CLEC14A: variants seen among roughly 807,000 people sequenced by gnomAD.
CLEC14A encodes the protein C-type lectin domain containing 14A, also known as C-type lectin domain family 14 member A.
For missense variants in CLEC14A, 682 were observed against 659.9 expected (o/e 1.03, Z -0.37); for synonymous variants, 349 against 292.0 (o/e 1.20, Z -1.99).
chr14:38,254,861 T>C lies in CLEC14A; in HGVS notation c.1162A>G (p.Thr388Ala). The change falls in exon 1 of 1, where the codon ACT (threonine) becomes GCT (alanine). Residue 388 changes from threonine (T) to alanine (A), a missense_variant. Physicochemically the swap from Thr to Ala is moderately conservative, Grantham distance 58. Transcript: ENST00000342213. ...GAGGAGGAGTCGAAAGCCTGAGGAG[T>C]GGCAGAGGAAGTCGTAGAATTAAAC... ...SKFNSTTSSA[T>A]PQAFDSSSAV... The C allele has an allele frequency of 6.2e-7, 1 of 1,612,522 alleles. No homozygotes were observed. Among genetic ancestry groups the C allele is most frequent in the Non-Finnish European group, 8.5e-7 (1 of 1,179,242 alleles).
At position 38,256,049 on chromosome 14, in the gene CLEC14A, C is replaced by T; in HGVS notation, c.-27G>A. On this transcript the variant is annotated 5_prime_UTR_variant, in exon 1 of 1. Coordinates refer to ENST00000342213, the MANE Select transcript of CLEC14A (RefSeq NM_175060.3). The stretch of plus-strand genomic sequence containing the variant: ...CTCTGAGGCCCCGCACGCAGAGCTG[C>T]TCCCAACTTGGATCTGTCCCGCTCG... 2.0e-6 allele frequency: 3 copies of T among 1,493,644 alleles called. No homozygotes were observed. The highest frequency in any genetic ancestry group is 2.7e-6 in the Non-Finnish European group (3 of 1,122,558). 92.5% of individuals were successfully genotyped at this position (1,493,644 alleles called of 1,614,324 possible).
rs374048754 is a variant in CLEC14A, at chr14:38,255,099, G to A, written c.924C>T (p.Ala308=). The A allele has an allele frequency of 1.9e-4, 303 of 1,612,430 alleles. 4 individuals carry two copies. In the South Asian group the frequency reaches 2.9e-3, roughly 16 times the overall value. Reference sequence around the variant, plus strand: ...TCTGCGGCACGGGGCTGGTTGCAGTGGCCGGCGGGCGCCTGGTGGGCACCC... The same window carrying A: ...TCTGCGGCACGGGGCTGGTTGCAGTAGCCGGCGGGCGCCTGGTGGGCACCC... The part of the protein sequence containing the change: ...GTGVPTRRPP[A]TATSPVPQRT... The change falls in exon 1 of 1, where the codon GCC becomes GCT. Residue 308 remains alanine, a synonymous_variant. Transcript: ENST00000342213. The surrounding 1 kb of genome is among the most constrained non-coding windows in gnomAD (Gnocchi z 5.1).
In CLEC14A at chr14:38,255,155, C is replaced by T. The variant is rs763426275; in HGVS notation, c.868G>A (p.Gly290Arg). Reference protein sequence around the residue: ...GKDGRSCVTSGEGQPTLGGTG... With the variant: ...GKDGRSCVTSREGQPTLGGTG... ...CCCCCAAGGGTCGGCTGTCCTTCCC[C>T]ACTGGTCACACAAGAGCGGCCGTCC... Residue 290 changes from glycine to arginine, a missense_variant, in exon 1 of 1, where the codon GGG (glycine) becomes AGG (arginine). Physicochemically the swap from Gly to Arg is moderately radical, Grantham distance 125. Transcript: ENST00000342213. The surrounding 1 kb of genome is among the most constrained non-coding windows in gnomAD (Gnocchi z 5.1). 7 of 1,613,574 alleles carry T rather than the reference C, an allele frequency of 4.3e-6. No individual in the cohort carries two copies. The South Asian group carries it at 5.5e-5, about 13-fold the overall frequency.
rs1018256221 is a variant in CLEC14A at position 38,255,173 on chromosome 14, G to A, written c.850C>T (p.Arg284Cys). The change falls in exon 1 of 1, where the codon CGC becomes TGC. Residue 284 changes from arginine to cysteine, a missense_variant. Coordinates refer to ENST00000342213, the MANE Select transcript of CLEC14A (RefSeq NM_175060.3). The surrounding 1 kb of genome is among the most constrained non-coding windows in gnomAD (Gnocchi z 5.1). ...CCTTCCCCACTGGTCACACAAGAGC[G>A]GCCGTCCTTCCCCAGCTCGAAGCCC... is the stretch of plus-strand genomic sequence containing the variant. ...ATGFELGKDG[R>C]SCVTSGEGQP... 12 of 1,613,570 alleles carry A rather than the reference G, an allele frequency of 7.4e-6. No homozygotes were observed. The highest frequency in any genetic ancestry group is 3.3e-4 in the Middle Eastern group (2 of 6,084).
In CLEC14A at chr14:38,254,369, C is replaced by T; in HGVS notation, c.*181G>A. The T allele has an allele frequency of 1.9e-6, 1 of 538,108 alleles. No homozygotes were observed. The highest frequency in any genetic ancestry group is 3.7e-5 in the South Asian group (1 of 27,288). 33.3% of individuals were successfully genotyped at this position (538,108 alleles called of 1,614,324 possible). On this transcript the variant is annotated 3_prime_UTR_variant, in exon 1 of 1. Transcript: ENST00000342213. ...TATCACCATCCTAAAGGCACTTCCA[C>T]TTCCTCTATCATCAGGGAAGGAGTG...
chr14:38,255,911 AG>A lies in CLEC14A; in HGVS notation c.111del (p.Tyr38ThrfsTer8). 6.4e-7 allele frequency: 1 copy of A among 1,568,444 alleles called. No individual in the cohort carries two copies. The highest frequency in any genetic ancestry group is 8.6e-7 in the Non-Finnish European group (1 of 1,163,348). On this transcript the variant is annotated frameshift_variant, in exon 1 of 1. Coordinates refer to ENST00000342213, the MANE Select transcript of CLEC14A (RefSeq NM_175060.3). LOFTEE classifies it low-confidence loss of function (END_TRUNC). This position sits in a 1 kb window ranked among gnomAD's most constrained non-coding sequence, Gnocchi z 5.1. ...DRAGCSASGA[C>X]YSLHHATMKR... ...TTCATGGTAGCGTGGTGCAGGCTGT[AG>A]CAGGCCCCCGAGGCCGAGCAGCCAG...
rs1884052267 is a variant in CLEC14A, at chr14:38,256,043, G to A, written c.-21C>T. The A allele has an allele frequency of 1.3e-6, 2 of 1,498,612 alleles. No individual in the cohort carries two copies. Among genetic ancestry groups the A allele is most frequent in the African/African-American group, 1.4e-5 (1 of 69,296 alleles). The allele number at this position is 1,498,612 out of a possible 1,614,324, so 92.8% of individuals were successfully genotyped here. A position where few individuals can be genotyped will look rare whatever the true frequency, so the allele number is the denominator to read the frequency against. On this transcript the variant is annotated 5_prime_UTR_variant, in exon 1 of 1. Transcript: ENST00000342213. ...CTCATTCTCTGAGGCCCCGCACGCA[G>A]AGCTGCTCCCAACTTGGATCTGTCC...
At position 38,254,493 on chromosome 14, in the gene CLEC14A, C is replaced by T. The variant is rs1883998893; in HGVS notation, c.*57G>A. On this transcript the variant is annotated 3_prime_UTR_variant, in exon 1 of 1. Coordinates refer to ENST00000342213, the MANE Select transcript of CLEC14A (RefSeq NM_175060.3). ...TTACACAAGTAAGTTCCTCTTGGTT[C>T]CCCGTTTCATCAAAAGTGAAAAACT... 2.0e-6 allele frequency: 3 copies of T among 1,465,836 alleles called. No individual in the cohort carries two copies. The highest frequency in any genetic ancestry group is 2.7e-6 in the Non-Finnish European group (3 of 1,091,654). The allele number at this position is 1,465,836 out of a possible 1,614,324, so 90.8% of individuals were successfully genotyped here. A position where few individuals can be genotyped will look rare whatever the true frequency, so the allele number is the denominator to read the frequency against.
In CLEC14A at chr14:38,255,168, A is replaced by G. The variant is rs1302499687; in HGVS notation, c.855T>C (p.Ser285=). 10 of 1,613,634 alleles carry G rather than the reference A, an allele frequency of 6.2e-6. No individual in the cohort carries two copies. Among genetic ancestry groups the G allele is most frequent in the Admixed American group, 3.3e-5 (2 of 60,024 alleles). ...GCTGTCCTTCCCCACTGGTCACACA[A>G]GAGCGGCCGTCCTTCCCCAGCTCGA... ...TGFELGKDGR[S]CVTSGEGQPT... The change falls in exon 1 of 1, where the codon TCT becomes TCC. Residue 285 remains serine (S), a synonymous_variant. Coordinates refer to ENST00000342213, the MANE Select transcript of CLEC14A (RefSeq NM_175060.3). The surrounding 1 kb of genome is among the most constrained non-coding windows in gnomAD (Gnocchi z 5.1).
In CLEC14A at chr14:38,255,301, T is replaced by A. The variant is rs779870626; in HGVS notation, c.722A>T (p.Asp241Val). The change falls in exon 1 of 1, where the codon GAT (aspartate) becomes GTT (valine). Residue 241 changes from aspartate to valine, a missense_variant. Coordinates refer to ENST00000342213, the MANE Select transcript of CLEC14A (RefSeq NM_175060.3). This position sits in a 1 kb window ranked among gnomAD's most constrained non-coding sequence, Gnocchi z 5.1. Reference sequence around the variant, plus strand: ...CCTCCCGGGGCAGGGACACAACACATCGCCCGAGAGTTTGTCCCAGCGAGC... The same window carrying A: ...CCTCCCGGGGCAGGGACACAACACAACGCCCGAGAGTTTGTCCCAGCGAGC... ...IGARWDKLSG[D>V]VLCPCPGRYL... is the part of the protein sequence containing the mutation. The A allele has an allele frequency of 4.0e-5, 64 of 1,613,474 alleles. No homozygotes were observed. The highest frequency in any genetic ancestry group is 5.2e-5 in the Non-Finnish European group (61 of 1,180,014).
chr14:38,255,295 A>AAC lies in CLEC14A; in HGVS notation c.726_727dup (p.Leu243CysfsTer22), dbSNP rs1430451797. On this transcript the variant is annotated frameshift_variant, in exon 1 of 1. Transcript: ENST00000342213. LOFTEE classifies it low-confidence loss of function (END_TRUNC). The surrounding 1 kb of genome is among the most constrained non-coding windows in gnomAD (Gnocchi z 5.1). Reference sequence around the variant, plus strand: ...GAGGTACCTCCCGGGGCAGGGACACAACACATCGCCCGAGAGTTTGTCCCA... The same window carrying AAC: ...GAGGTACCTCCCGGGGCAGGGACACAACACACATCGCCCGAGAGTTTGTCCCA... 1.2e-6 allele frequency: 2 copies of AAC among 1,613,618 alleles called. No homozygotes were observed. Among genetic ancestry groups the AAC allele is most frequent in the Admixed American group, 3.3e-5 (2 of 60,008 alleles).
In CLEC14A at chr14:38,255,307, G is replaced by A. The variant is rs570149280; in HGVS notation, c.716C>T (p.Ser239Leu). 1.9e-6 allele frequency: 3 copies of A among 1,613,710 alleles called. No individual in the cohort carries two copies. The highest frequency in any genetic ancestry group is 2.7e-5 in the African/African-American group (2 of 75,060). Residue 239 changes from serine (S) to leucine (L), a missense_variant, in exon 1 of 1, where the codon TCG becomes TTG. Physicochemically the swap from Ser to Leu is moderately radical, Grantham distance 145. Transcript: ENST00000342213. This position sits in a 1 kb window ranked among gnomAD's most constrained non-coding sequence, Gnocchi z 5.1. ...DEIGARWDKL[S>L]GDVLCPCPGR... ...GGGGCAGGGACACAACACATCGCCC[G>A]AGAGTTTGTCCCAGCGAGCGCCGAT...
rs1047159662 is a variant in CLEC14A at position 38,254,859 on chromosome 14, A to T, written c.1164T>A (p.Thr388=). Residue 388 remains threonine, a synonymous_variant, in exon 1 of 1, where the codon ACT becomes ACA. Coordinates refer to ENST00000342213, the MANE Select transcript of CLEC14A (RefSeq NM_175060.3). ...CAGAGGAGGAGTCGAAAGCCTGAGG[A>T]GTGGCAGAGGAAGTCGTAGAATTAA... The part of the protein sequence containing the change: ...SKFNSTTSSA[T]PQAFDSSSAV... 6.2e-7 allele frequency: 1 copy of T among 1,613,846 alleles called. No individual in the cohort carries two copies. Among genetic ancestry groups the T allele is most frequent in the African/African-American group, 1.3e-5 (1 of 75,036 alleles).
chr14:38,255,643 G>C lies in CLEC14A; in HGVS notation c.380C>G (p.Thr127Arg), dbSNP rs888925775. ...TTGGGGCTCCTCCACCCACTGCAGC[G>C]TGTCGCTTTCGAGACCGCCGGGGTC... ...SSDPGGLESD[T>R]LQWVEEPQRS... The change falls in exon 1 of 1, where the codon ACG becomes AGG. Residue 127 changes from threonine (T) to arginine (R), a missense_variant. Thr to Arg is a moderately conservative substitution (Grantham distance 71). Coordinates refer to ENST00000342213, the MANE Select transcript of CLEC14A (RefSeq NM_175060.3). This position sits in a 1 kb window ranked among gnomAD's most constrained non-coding sequence, Gnocchi z 5.1. 14 of 1,607,784 alleles carry C rather than the reference G, an allele frequency of 8.7e-6. No individual in the cohort carries two copies. The highest frequency in any genetic ancestry group is 4.0e-5 in the African/African-American group (3 of 74,924).
chr14:38,254,608 C>T lies in CLEC14A; in HGVS notation c.1415G>A (p.Arg472Gln). ...CAGCAAGGCACCCTCTGCTCTGTCC[C>T]GCAGATCACAGTCCCCGACTTTCAC... ...NGVKVGDCDL[R>Q]DRAEGALLAE... Residue 472 changes from arginine (R) to glutamine (Q), a missense_variant, in exon 1 of 1, where the codon CGG (arginine) becomes CAG (glutamine). Physicochemically the swap from Arg to Gln is conservative, Grantham distance 43. Coordinates refer to ENST00000342213, the MANE Select transcript of CLEC14A (RefSeq NM_175060.3). The T allele has an allele frequency of 6.2e-7, 1 of 1,613,748 alleles. No individual in the cohort carries two copies. Among genetic ancestry groups the T allele is most frequent in the East Asian group, 2.2e-5 (1 of 44,864 alleles).
rs1883997684 is a variant in CLEC14A, at chr14:38,254,423, G to A, written c.*127C>T. 2 of 884,044 alleles carry A rather than the reference G, an allele frequency of 2.3e-6. No individual in the cohort carries two copies. The highest frequency in any genetic ancestry group is 3.4e-6 in the Non-Finnish European group (2 of 585,712). 54.8% of individuals were successfully genotyped at this position (884,044 alleles called of 1,614,324 possible). On this transcript the variant is annotated 3_prime_UTR_variant, in exon 1 of 1. Coordinates refer to ENST00000342213, the MANE Select transcript of CLEC14A (RefSeq NM_175060.3). ...AGTTCTGATTTAGCTCCTCAGTGGA[G>A]TAAAGGGAATTTAGAGGAAGGGGGA...
At position 38,255,962 on chromosome 14, in the gene CLEC14A, C is replaced by T; in HGVS notation, c.61G>A (p.Gly21Ser). ...GCACGGTCGGCAGTGGGGTGTTCGC[C>T]GCCGCCCGGCCCGGGCCAGAGCGCC... is the stretch of plus-strand genomic sequence containing the variant. ...WQALWPGPGGGEHPTADRAGC... is the reference protein window; with the variant it reads ...WQALWPGPGGSEHPTADRAGC... The change falls in exon 1 of 1, where the codon GGC (glycine) becomes AGC (serine). Residue 21 changes from glycine to serine, a missense_variant. Transcript: ENST00000342213. This position sits in a 1 kb window ranked among gnomAD's most constrained non-coding sequence, Gnocchi z 5.1. The T allele has an allele frequency of 6.5e-7, 1 of 1,548,778 alleles. No individual in the cohort carries two copies. Among genetic ancestry groups the T allele is most frequent in the Admixed American group, 1.9e-5 (1 of 51,466 alleles).
In CLEC14A at chr14:38,254,592, A is replaced by T; in HGVS notation, c.1431T>A (p.Gly477=). 1 of 1,604,540 alleles carries T rather than the reference A, an allele frequency of 6.2e-7. No individual in the cohort carries two copies. Among genetic ancestry groups the T allele is most frequent in the Non-Finnish European group, 8.5e-7 (1 of 1,173,520 alleles). ...GDCDLRDRAE[G]ALLAESPLGS... ...CAAGAGGGGACTCCGCCAGCAAGGC[A>T]CCCTCTGCTCTGTCCCGCAGATCAC... is the stretch of plus-strand genomic sequence containing the variant. The change falls in exon 1 of 1, where the codon GGT becomes GGA. Residue 477 remains glycine, a synonymous_variant. Coordinates refer to ENST00000342213, the MANE Select transcript of CLEC14A (RefSeq NM_175060.3).
chr14:38,255,940 C>T lies in CLEC14A; in HGVS notation c.83G>A (p.Arg28His). The T allele has an allele frequency of 1.3e-6, 2 of 1,564,280 alleles. No homozygotes were observed. The highest frequency in any genetic ancestry group is 1.2e-5 in the South Asian group (1 of 85,446). Residue 28 changes from arginine to histidine, a missense_variant, in exon 1 of 1, where the codon CGT (arginine) becomes CAT (histidine). Transcript: ENST00000342213. The surrounding 1 kb of genome is among the most constrained non-coding windows in gnomAD (Gnocchi z 5.1). The part of the protein sequence containing the change: ...PGGGEHPTAD[R>H]AGCSASGACY... ...GGCCCCCGAGGCCGAGCAGCCAGCA[C>T]GGTCGGCAGTGGGGTGTTCGCCGCC...
Sources: gnomAD v4.1 joint callset for allele counts on GRCh38, gnomAD v4.1.1 for gene constraint, Gnocchi (gnomAD v3.1) non-coding constraint, MANE v1.5 for transcripts, NCBI Gene and HGNC (gene_info 2026-07-23, HGNC 2026-07-21) for gene names.